IKZF2: variants seen among roughly 807,000 people sequenced by gnomAD.
The protein encoded by IKZF2 is IKAROS family zinc finger 2.
Under a neutral mutation model 49.2 loss-of-function variants are expected in IKZF2, and 15 were observed. That is an observed-to-expected ratio of 0.30 (90% CI 0.20 to 0.47). The LOEUF is 0.47. IKZF2 is among the 20% of genes least tolerant of loss of function. The pLI is 1.00. For missense variants in IKZF2, 567 were observed against 664.6 expected, an observed-to-expected ratio of 0.85 and a Z score of 1.61; for synonymous variants, 227 against 221.4, an observed-to-expected ratio of 1.03 and a Z score of -0.23.
intron 7 of IKZF2, chr2:213,014,568 GGAA>G (rs1396644105): frequency 6.6e-6 from 1 of 151,968 alleles, no homozygotes; most frequent in Non-Finnish European, 1.5e-5. Flanking sequence ...CTCTTCAGCA[GGAA>G]GAAGAATCCA....
intron 2 of IKZF2, among the ~76,000 whole-genome samples, chr2:213,149,856 C>T (rs1387867797): frequency 1.3e-5 from 2 of 150,434 alleles, no homozygotes; most frequent in Admixed American, 6.6e-5. Flanking sequence ...CACTACATAG[C>T]ACTTAAATTT....
intron 4 of IKZF2, among the ~76,000 whole-genome samples, chr2:213,141,715 T>C (rs16849846): frequency 0.19 from 29,380 of 151,768 alleles, 3,608 homozygotes; most frequent in East Asian, 0.38. Context: ...CTAAGCTTAC[T>C]ACAGTAAAAT....
At chr2:213,040,889 A>G (rs1699566049) in intron 6 of IKZF2, among the ~76,000 whole-genome samples, 1 of 152,086 alleles carries the variant, frequency 6.6e-6, no homozygotes, top group South Asian at 2.1e-4. Context: ...AGGCTGAGGC[A>G]GGCGAATCAC....
intron 4 of IKZF2, 146 bp downstream of exon 4, chr2:213,147,562 G>T (rs763116016): frequency 1.3e-6 from 1 of 748,666 alleles, no homozygotes; most frequent in Non-Finnish European, 2.4e-6. Flanking sequence ...GAATGAACAG[G>T]AATAAATCTG....
chr2:213,092,846 A>G (rs1192395156), intron 4 of IKZF2, among the ~76,000 whole-genome samples: 2 of 152,106 alleles, frequency 1.3e-5, no homozygotes, highest in African/African-American at 4.8e-5. Context: ...ACTGGGATTG[A>G]GTCAGTGCCA....
chr2:213,150,267 G>T lies in IKZF2; in HGVS notation c.-119-20C>A. ...GTCGGGCTGAAGATAAACGGAGGGA[G>T]AAAGAAAGAAGTTTTTTGTGTTTCC... On this transcript the variant is annotated intron_variant, in intron 1 of 8. Transcript: ENST00000434687. 3.0e-6 allele frequency: 3 copies of T among 1,009,768 alleles called. No individual in the cohort carries two copies. Among genetic ancestry groups the T allele is most frequent in the Non-Finnish European group, 4.2e-6 (3 of 722,546 alleles). The allele number at this position is 1,009,768 out of a possible 1,614,324, so 62.6% of individuals were successfully genotyped here.
rs1694801480 is a variant in IKZF2 at position 213,000,498 on chromosome 2, A to T, written c.*6862T>A. On this transcript the variant is annotated 3_prime_UTR_variant, in exon 9 of 9. Coordinates refer to ENST00000434687, the MANE Select transcript of IKZF2 (RefSeq NM_001387220.1). ...TACTGTACAAATGCAGAAATGCAGT[A>T]ACTGCCTTTAAAAGAAATGCCAAAG... The T allele has an allele frequency of 6.6e-6, 1 of 151,886 alleles. No homozygotes were observed. The highest frequency in any genetic ancestry group is 2.1e-4 in the South Asian group (1 of 4,836). 9.4% of individuals were successfully genotyped at this position (151,886 alleles called of 1,614,324 possible). A position where few individuals can be genotyped will look rare whatever the true frequency, so the allele number is the denominator to read the frequency against.
intron 4 of IKZF2, among the ~76,000 whole-genome samples, chr2:213,067,242 A>G (rs1189715508): frequency 6.6e-6 from 1 of 152,148 alleles, no homozygotes; most frequent in Admixed American, 6.6e-5. Context: ...TCTATGTGAA[A>G]GCATTTCATA....
intron 6 of IKZF2, among the ~76,000 whole-genome samples, chr2:213,030,401 CTT>C (rs1160857634): frequency 1.3e-5 from 2 of 151,884 alleles, no homozygotes; most frequent in Non-Finnish European, 2.9e-5. Flanking sequence ...AAGAGAATCT[CTT>C]TATATGAAAT....
intron 4 of IKZF2, among the ~76,000 whole-genome samples, chr2:213,058,667 T>C (rs1210197511): frequency 6.6e-6 from 1 of 151,862 alleles, no homozygotes; most frequent in African/African-American, 2.4e-5. Flanking sequence ...GTTGGGACAG[T>C]ATTTTATCCA....
chr2:213,133,624 G>A (rs1441248978), intron 4 of IKZF2, among the ~76,000 whole-genome samples: 23 of 151,598 alleles, frequency 1.5e-4, no homozygotes, highest in South Asian at 6.3e-4. Flanking sequence ...TCAGCTTCTC[G>A]GGAGGCGAAG....
At chr2:213,049,921 T>C (rs1700519783) in intron 5 of IKZF2, 41 bp from the exon 6 acceptor site, 2 of 1,384,352 alleles carry the variant, frequency 1.4e-6, no homozygotes, top group Non-Finnish European at 1.9e-6. Context: ...AACTAGGGTA[T>C]GTGCAAGTGA....
intron 8 of IKZF2, among the ~76,000 whole-genome samples, chr2:213,011,188 GA>G (rs112511023): frequency 0.23 from 34,829 of 149,456 alleles, 4,420 homozygotes; most frequent in Non-Finnish European, 0.28. Context: ...GAAATGAATA[GA>G]AAAAAAAAAT....
At chr2:213,035,998 G>A (rs1354427528) in intron 6 of IKZF2, among the ~76,000 whole-genome samples, 3 of 151,970 alleles carry the variant, frequency 2.0e-5, no homozygotes, top group Non-Finnish European at 4.4e-5. Context: ...AGTTATCAAG[G>A]TATGATTTTT....
rs192975955 is a variant in IKZF2, at chr2:213,099,260, T to C, written c.140-42161A>G. ...TGAAGAGATTGAAGGAAACAAATAT[T>C]GTAAATATTACTGTAAGATGCCAAT... On this transcript the variant is annotated intron_variant, in intron 4 of 8. Transcript: ENST00000434687. 2.0e-5 allele frequency among the ~76,000 whole-genome samples: 3 copies of C among 152,240 alleles called. No individual in the cohort carries two copies. In the East Asian group the frequency reaches 5.8e-4, roughly 29 times the overall value.
At chr2:213,058,649 T>C (rs2125397032) in intron 4 of IKZF2, among the ~76,000 whole-genome samples, 1 of 152,006 alleles carries the variant, frequency 6.6e-6, no homozygotes, top group East Asian at 1.9e-4. Context: ...TACTAGTTTT[T>C]AAAAAGAGTT....
intron 4 of IKZF2, among the ~76,000 whole-genome samples, chr2:213,139,790 T>C (rs903932792): frequency 6.6e-6 from 1 of 151,932 alleles, no homozygotes; most frequent in Non-Finnish European, 1.5e-5. Flanking sequence ...AAGTGGCTTG[T>C]TGCCCTTTTG....
intron 2 of IKZF2, 87 bp from the exon 3 acceptor site, chr2:213,148,731 G>GCAACATGGACTAACTGC: frequency 9.3e-7 from 1 of 1,076,314 alleles, no homozygotes; most frequent in South Asian, 1.4e-5. Context: ...GCTCCAAGCA[G>GCAACATGGACTAACTGC]TTAGTCCATG....
chr2:213,010,122 G>T (rs1695785259), intron 8 of IKZF2, among the ~76,000 whole-genome samples: 1 of 152,090 alleles, frequency 6.6e-6, no homozygotes, highest in Non-Finnish European at 1.5e-5. Context: ...TTTAGTAGAT[G>T]ACAATGAGAT....
Sources: allele counts gnomAD v4.1 joint callset (sites outside exome capture counted in the v4.1 genomes callset), GRCh38; gene constraint gnomAD v4.1.1; transcripts MANE v1.5; gene names NCBI Gene and HGNC (gene_info 2026-07-23, HGNC 2026-07-21).